The following TRMT11 variants were observed in gnomAD, a reference collection of about 807,000 sequenced individuals.
The protein encoded by TRMT11 is tRNA (guanine(10)-N(2))-methyltransferase TRMT11.
Under a neutral mutation model 62.8 loss-of-function variants are expected in TRMT11, and 53 were observed. That is an observed-to-expected ratio of 0.84 (90% CI 0.68 to 1.06). The LOEUF is 1.06. Among genes scored for constraint, TRMT11 ranks in the 50% least tolerant of loss-of-function variants. The pLI is 0.00. For synonymous variants in TRMT11, 188 were observed against 190.3 expected, an observed-to-expected ratio of 0.99 and a Z score of 0.10; for missense variants, 556 against 553.4, an observed-to-expected ratio of 1.00 and a Z score of -0.05.
At chr6:126,022,291 C>A (rs1795949657) in intron 12 of TRMT11, among the ~76,000 whole-genome samples, 1 of 151,948 alleles carries the variant, frequency 6.6e-6, no homozygotes, top group African/African-American at 2.4e-5. Context: ...TCTTGATCTG[C>A]CTGTCTTGGC....
Position 125,986,560 on chromosome 6 carries a change from T to A in TRMT11, c.10T>A (p.Ser4Thr). The change falls in exon 1 of 13, where the codon TCG (serine) becomes ACG (threonine). Residue 4 changes from serine (S) to threonine (T), a missense_variant. Coordinates refer to ENST00000334379, the MANE Select transcript of TRMT11 (RefSeq NM_001031712.3). MALSCTLNRYLLLM... is the reference protein window; with the variant it reads MALTCTLNRYLLLM... ...ACGGTGGGCAGCTGCAATGGCGCTG[T>A]CGTGTACCCTTAACAGGTATCTGCT... 6.3e-7 allele frequency: 1 copy of A among 1,590,412 alleles called. No homozygotes were observed. Among genetic ancestry groups the A allele is most frequent in the Non-Finnish European group, 8.5e-7 (1 of 1,170,818 alleles).
chr6:126,257,873 G>A, the TRMT11 span: 3 of 1,327,702 alleles, frequency 2.3e-6, no homozygotes, highest in Admixed American at 1.7e-5. Context: ...TATGAGGTCG[G>A]GGGGACAGTG....
chr6:126,133,878 G>T (rs1033767680), intron 21 of TRMT11, among the ~76,000 whole-genome samples: 1 of 151,490 alleles, frequency 6.6e-6, no homozygotes, highest in African/African-American at 2.4e-5. Flanking sequence ...CTAATGAAAA[G>T]AACTACCCTT....
At chr6:126,015,267 C>A (rs1054892411) in intron 11 of TRMT11, among the ~76,000 whole-genome samples, 1 of 152,018 alleles carries the variant, frequency 6.6e-6, no homozygotes, top group Admixed American at 6.6e-5. Flanking sequence ...ACTCTGTCAC[C>A]CAGGCTGGAG....
downstream of TRMT11, among the ~76,000 whole-genome samples, chr6:126,202,810 G>A (rs1190191291): frequency 3.3e-5 from 5 of 152,252 alleles, no homozygotes; most frequent in Middle Eastern, 3.4e-3. Context: ...TTCTATGGGG[G>A]CGTCATCTTT....
the TRMT11 span, among the ~76,000 whole-genome samples, chr6:126,218,227 G>A: frequency 6.9e-3 from 1,045 of 152,258 alleles, 5 homozygotes; most frequent in Non-Finnish European, 0.011. Flanking sequence ...TGGCTGAGTC[G>A]GTACCTAAGC....
intron 17 of TRMT11, among the ~76,000 whole-genome samples, chr6:126,075,917 C>T (rs1173547467): frequency 6.6e-6 from 1 of 152,172 alleles, no homozygotes; most frequent in Non-Finnish European, 1.5e-5. Context: ...ACATGTGTCA[C>T]TGTGGTTCAG....
intron 21 of TRMT11, among the ~76,000 whole-genome samples, chr6:126,154,111 G>A (rs577394655): frequency 2.0e-5 from 3 of 152,130 alleles, no homozygotes; most frequent in Non-Finnish European, 4.4e-5. Context: ...CTTGACATCT[G>A]CCACTTTTTA....
chr6:126,217,606 C>G, the TRMT11 span, among the ~76,000 whole-genome samples: 1 of 152,180 alleles, frequency 6.6e-6, no homozygotes, highest in Non-Finnish European at 1.5e-5. Flanking sequence ...GAATCTCTTC[C>G]TCTGTGCTGA....
chr6:126,255,878 T>C, the TRMT11 span, among the ~76,000 whole-genome samples: 1 of 152,210 alleles, frequency 6.6e-6, no homozygotes, highest in Non-Finnish European at 1.5e-5. Flanking sequence ...ATTAGTTATC[T>C]AATGCTGTGT....
chr6:126,044,217 G>A (rs563737071), downstream of TRMT11, among the ~76,000 whole-genome samples: 55 of 152,160 alleles, frequency 3.6e-4, no homozygotes, highest in African/African-American at 1.2e-3. Flanking sequence ...AATCCATCTT[G>A]AATTAATTTT....
chr6:126,216,427 T>C, the TRMT11 span, among the ~76,000 whole-genome samples: 7 of 152,268 alleles, frequency 4.6e-5, no homozygotes, highest in Admixed American at 1.3e-4. Flanking sequence ...GTCATTTGTT[T>C]CAGGAAATTT....
At chr6:126,093,046 C>T (rs1407026319) in intron 17 of TRMT11, among the ~76,000 whole-genome samples, 1 of 152,136 alleles carries the variant, frequency 6.6e-6, no homozygotes, top group African/African-American at 2.4e-5. Flanking sequence ...GCCTCATGAA[C>T]TGTTTATTAT....
At chr6:126,039,901 G>A (rs1313641333), downstream of TRMT11, among the ~76,000 whole-genome samples, 1 of 151,998 alleles carries the variant, frequency 6.6e-6, no homozygotes, top group Non-Finnish European at 1.5e-5. Flanking sequence ...TGCTGCCCAA[G>A]CAAAGAGACA....
chr6:126,073,596 T>C (rs1430769639), intron 17 of TRMT11, among the ~76,000 whole-genome samples: 7 of 152,166 alleles, frequency 4.6e-5, no homozygotes, highest in Admixed American at 4.6e-4. Context: ...AATCAAACAA[T>C]TCATGTGACA....
intron 21 of TRMT11, among the ~76,000 whole-genome samples, chr6:126,162,301 C>A (rs1339485815): frequency 6.6e-6 from 1 of 152,182 alleles, no homozygotes; most frequent in Non-Finnish European, 1.5e-5. Flanking sequence ...TTTCCCAACA[C>A]CATTTATTAA....
chr6:126,145,530 A>G (rs1015638532), intron 21 of TRMT11, among the ~76,000 whole-genome samples: 6 of 152,294 alleles, frequency 3.9e-5, no homozygotes, highest in African/African-American at 1.4e-4. Flanking sequence ...TATCCTTGTC[A>G]TAGCCCTGGC....
At chr6:126,200,987 G>C (rs1778728916) in intron 3 of TRMT11, among the ~76,000 whole-genome samples, 2 of 152,292 alleles carry the variant, frequency 1.3e-5, no homozygotes, top group South Asian at 4.1e-4. Flanking sequence ...TTTAGAATAG[G>C]GGGTGTTTAG....
chr6:126,002,808 A>G (rs541511893), intron 7 of TRMT11, among the ~76,000 whole-genome samples: 60 of 152,132 alleles, frequency 3.9e-4, no homozygotes, highest in African/African-American at 1.4e-3. Context: ...ATTGTTTTCT[A>G]GTTGATTCTT....
Sources: allele counts gnomAD v4.1 joint callset (sites outside exome capture counted in the v4.1 genomes callset), GRCh38; gene constraint gnomAD v4.1.1; transcripts MANE v1.5; gene names NCBI Gene and HGNC (gene_info 2026-07-23, HGNC 2026-07-21).